Variants in CNOT6L observed in about 807,000 individuals in gnomAD.
The protein encoded by CNOT6L is CCR4-NOT transcription complex subunit 6-like.
In CNOT6L, 7 loss-of-function variants were observed where a neutral mutation model predicts 64.0. The observed-to-expected ratio is 0.11, with a 90% confidence interval of 0.06 to 0.21. CNOT6L has a LOEUF of 0.21. Among genes scored for constraint, CNOT6L ranks in the 10% least tolerant of loss-of-function variants. The probability of loss-of-function intolerance (pLI) is 1.00; values close to 1 mark genes in which losing one functional copy is unlikely to be tolerated. For synonymous variants in CNOT6L, 193 were observed against 243.4 expected (o/e 0.79, Z 1.93); for missense variants, 245 against 669.0 (o/e 0.37, Z 6.99).
chr4:77,819,217 T>C, intron 1 of CNOT6L, 87 bp downstream of exon 1: 1 of 1,609,588 alleles, frequency 6.2e-7, no homozygotes, highest in Non-Finnish European at 8.5e-7. Flanking sequence ...CACACGCACA[T>C]TTGTCCCTCT....
chr4:77,755,231 T>A (rs1162842497), intron 5 of CNOT6L, among the ~76,000 whole-genome samples: 1 of 7,524 alleles, frequency 1.3e-4, no homozygotes, highest in Non-Finnish European at 4.4e-4. Flanking sequence ...GAGTTTTTTT[T>A]TTTTTTTTTT....
chr4:77,723,897 G>A (rs1053281987), intron 11 of CNOT6L, among the ~76,000 whole-genome samples: 2 of 152,168 alleles, frequency 1.3e-5, no homozygotes, highest in African/African-American at 4.8e-5. Context: ...AGATGACTGA[G>A]GAAGGTGGAT....
chr4:77,767,980 CAAAAAAAAAA>C (rs11455356), intron 4 of CNOT6L, among the ~76,000 whole-genome samples: 6 of 87,128 alleles, frequency 6.9e-5, no homozygotes, highest in Admixed American at 3.8e-4. Flanking sequence ...ACTTTGTCCC[CAAAAAAAAAA>C]AAAAAAAAAA....
chr4:77,784,498 C>T (rs767684835), intron 1 of CNOT6L, among the ~76,000 whole-genome samples: 1 of 117,238 alleles, frequency 8.5e-6, no homozygotes, highest in Non-Finnish European at 1.8e-5. Context: ...TGAATATAAT[C>T]TATTTTTTTT....
intron 5 of CNOT6L, among the ~76,000 whole-genome samples, chr4:77,748,869 C>T (rs1724501125): frequency 6.6e-6 from 1 of 151,996 alleles, no homozygotes; most frequent in South Asian, 2.1e-4. Context: ...AATGTCAGCA[C>T]AAAACAAGAG....
chr4:77,818,738 G>C (rs1228626233), intron 1 of CNOT6L, among the ~76,000 whole-genome samples: 1 of 151,992 alleles, frequency 6.6e-6, no homozygotes, highest in Non-Finnish European at 1.5e-5. Context: ...GCCCAGGCCC[G>C]AGGCAGCGCC....
At chr4:77,727,721 T>A (rs1478792038) in intron 10 of CNOT6L, among the ~76,000 whole-genome samples, 1 of 152,176 alleles carries the variant, frequency 6.6e-6, no homozygotes, top group Non-Finnish European at 1.5e-5. Flanking sequence ...CTAACTGGTT[T>A]TAACAAATCA....
intron 5 of CNOT6L, among the ~76,000 whole-genome samples, chr4:77,755,160 A>G (rs1725386555): frequency 6.6e-6 from 1 of 150,542 alleles, no homozygotes; most frequent in Non-Finnish European, 1.5e-5. Context: ...AACTCCTTAC[A>G]AATGACACAC....
chr4:77,807,276 C>CA (rs58452605), intron 1 of CNOT6L, among the ~76,000 whole-genome samples: 53,333 of 108,026 alleles, frequency 0.49, 13,574 homozygotes, highest in Admixed American at 0.56. Flanking sequence ...GACTCCATCT[C>CA]AAAAAAAAAA....
At chr4:77,773,041 A>C (rs1727756806) in intron 4 of CNOT6L, 40 bp downstream of exon 4, 1 of 1,355,588 alleles carries the variant, frequency 7.4e-7, no homozygotes, top group Non-Finnish European at 1.0e-6. Flanking sequence ...TGCTCTTTAA[A>C]AGGCTCAGAA....
intron 1 of CNOT6L, among the ~76,000 whole-genome samples, chr4:77,789,990 A>C (rs980942558): frequency 1.3e-5 from 2 of 150,088 alleles, no homozygotes. Context: ...ATTCATTCCC[A>C]TCTGCTTAAT....
At chr4:77,722,332 G>A (rs560063317) in intron 11 of CNOT6L, among the ~76,000 whole-genome samples, 18 of 150,830 alleles carry the variant, frequency 1.2e-4, no homozygotes, top group South Asian at 2.1e-4. Flanking sequence ...AGGCCAAGGC[G>A]GGCAGATCAC....
At chr4:77,759,598 G>C (rs1006125993) in intron 4 of CNOT6L, among the ~76,000 whole-genome samples, 1 of 151,664 alleles carries the variant, frequency 6.6e-6, no homozygotes, top group Admixed American at 6.6e-5. Flanking sequence ...AACCAAGATG[G>C]GTTGAAAGAA....
rs762916165 is a variant in CNOT6L at position 77,760,246 on chromosome 4, T to C, written c.401-3295A>G. Among the ~76,000 whole-genome samples, 60 of 152,032 alleles carry C rather than the reference T, an allele frequency of 3.9e-4. 1 individual carries two copies. Among genetic ancestry groups the C allele is most frequent in the Admixed American group, 3.8e-3 (58 of 15,250 alleles). On this transcript the variant is annotated intron_variant, in intron 4 of 11. Transcript: ENST00000504123. ...AATTATTTAACTGGGCATGGTGGTGTGCACCTATAGTCTCAGCTACTCACG... is the reference window on the plus strand; with the variant it reads ...AATTATTTAACTGGGCATGGTGGTGCGCACCTATAGTCTCAGCTACTCACG...
At position 77,716,163 on chromosome 4, in the gene CNOT6L, G is replaced by T. The variant is rs1464474220; in HGVS notation, c.*4268C>A. The stretch of plus-strand genomic sequence containing the variant: ...GTGGGAAAAAGAATATCTCATCAAT[G>T]TGAGAATTCACATTTCTGTCAAAAT... On this transcript the variant is annotated 3_prime_UTR_variant, in exon 12 of 12. Coordinates refer to ENST00000504123, the MANE Select transcript of CNOT6L (RefSeq NM_144571.3). 1.3e-5 allele frequency: 2 copies of T among 152,028 alleles called. No homozygotes were observed. The highest frequency in any genetic ancestry group is 1.3e-4 in the Admixed American group (2 of 15,232). 9.4% of individuals were successfully genotyped at this position (152,028 alleles called of 1,614,324 possible). A position where few individuals can be genotyped will look rare whatever the true frequency, so the allele number is the denominator to read the frequency against.
At chr4:77,782,509 A>AT (rs36169653) in intron 1 of CNOT6L, among the ~76,000 whole-genome samples, 116,132 of 148,052 alleles carry the variant, frequency 0.78, 46,056 homozygotes, top group Non-Finnish European at 0.85. Context: ...ATTTTATTTT[A>AT]TTTTTTTTTT....
chr4:77,720,694 G>A lies in CNOT6L; in HGVS notation c.1456-51C>T, dbSNP rs548293776. On this transcript the variant is annotated intron_variant, in intron 11 of 11. Coordinates refer to ENST00000504123, the MANE Select transcript of CNOT6L (RefSeq NM_144571.3). ...AAAAGAAAAATTCAAGATATATAAA[G>A]AACAATCCATAATTTATAAAAACCA... 697 of 1,582,422 alleles carry A rather than the reference G, an allele frequency of 4.4e-4. 13 individuals are homozygous for A. The South Asian group carries it at 7.5e-3, about 17-fold the overall frequency.
chr4:77,803,694 G>A (rs1209436916), intron 1 of CNOT6L, among the ~76,000 whole-genome samples: 2 of 151,958 alleles, frequency 1.3e-5, no homozygotes, highest in South Asian at 2.1e-4. Context: ...ACCTGAGAAC[G>A]GCAGTTCAAG....
intron 2 of CNOT6L, 43 bp downstream of exon 2, chr4:77,776,228 A>G: frequency 6.3e-7 from 1 of 1,585,894 alleles, no homozygotes; most frequent in Admixed American, 1.8e-5. Context: ...CTTTTGTATT[A>G]TCACTATTAC....
Sources: gnomAD v4.1 joint callset for allele counts (sites outside exome capture counted in the v4.1 genomes callset) on GRCh38, gnomAD v4.1.1 for gene constraint, MANE v1.5 for transcripts, NCBI Gene and HGNC (gene_info 2026-07-23, HGNC 2026-07-21) for gene names.